Variants in SRPK1 observed in about 807,000 individuals in gnomAD.
SRPK1 encodes the protein SFRS protein kinase 1.
SRPK1 carries 52 observed loss-of-function variants against 89.5 expected under a neutral mutation model. The observed-to-expected ratio is 0.58, with a 90% CI of 0.46 to 0.73. The LOEUF (loss-of-function observed/expected upper bound fraction) is 0.73, where lower values mean the gene tolerates loss of function less well. Among genes scored for constraint, SRPK1 ranks in the 30% least tolerant of loss-of-function variants. SRPK1 has a pLI of 0.00. For synonymous variants in SRPK1, 255 were observed against 270.2 expected, an observed-to-expected ratio of 0.94 and a Z score of 0.55; for missense variants, 603 against 780.6, an observed-to-expected ratio of 0.77 and a Z score of 2.71.
chr6:35,913,471 G>A (rs1366434903), intron 2 of SRPK1, among the ~76,000 whole-genome samples: 5 of 151,996 alleles, frequency 3.3e-5, no homozygotes, highest in Non-Finnish European at 7.4e-5. Flanking sequence ...TCCCACCTGG[G>A]CAACAGAACA....
chr6:35,909,495 T>C (rs956677587), intron 2 of SRPK1, among the ~76,000 whole-genome samples: 2 of 152,200 alleles, frequency 1.3e-5, no homozygotes, highest in African/African-American at 4.8e-5. Flanking sequence ...CTTGGGACTC[T>C]TGAGTTAATA....
intron 13 of SRPK1, among the ~76,000 whole-genome samples, chr6:35,846,548 T>C (rs9470134): frequency 0.44 from 64,208 of 145,584 alleles, 15,453 homozygotes; most frequent in African/African-American, 0.63. Context: ...AGAGTGAGAC[T>C]GTGTCTCCAA....
At chr6:35,849,266 A>G (rs1769505390) in intron 13 of SRPK1, among the ~76,000 whole-genome samples, 1 of 152,230 alleles carries the variant, frequency 6.6e-6, no homozygotes, top group African/African-American at 2.4e-5. Flanking sequence ...CATTAGGGAA[A>G]TGCAAATTAA....
At chr6:35,864,191 T>C (rs1248374548) in intron 12 of SRPK1, among the ~76,000 whole-genome samples, 1 of 151,732 alleles carries the variant, frequency 6.6e-6, no homozygotes, top group Non-Finnish European at 1.5e-5. Flanking sequence ...AATGGACAAA[T>C]GGGATCACAT....
At chr6:35,867,409 A>G (rs1235019646) in intron 12 of SRPK1, among the ~76,000 whole-genome samples, 2 of 152,210 alleles carry the variant, frequency 1.3e-5, no homozygotes, top group Non-Finnish European at 2.9e-5. Flanking sequence ...TCAATATGGG[A>G]AGTAAGATCC....
chr6:35,864,282 C>T (rs1769847681), intron 12 of SRPK1, among the ~76,000 whole-genome samples: 1 of 151,302 alleles, frequency 6.6e-6, no homozygotes, highest in South Asian at 2.1e-4. Context: ...AAAATATTTG[C>T]AAATTACCCA....
At chr6:35,873,483 A>C (rs903922882) in intron 7 of SRPK1, among the ~76,000 whole-genome samples, 1 of 148,224 alleles carries the variant, frequency 6.7e-6, no homozygotes, top group Non-Finnish European at 1.5e-5. Flanking sequence ...ATTTAATTTT[A>C]GCAATTAACT....
At chr6:35,842,722 C>T (rs1769337538) in intron 13 of SRPK1, 118 bp from the exon 14 acceptor site, 1 of 376,114 alleles carries the variant, frequency 2.7e-6, no homozygotes, top group South Asian at 8.5e-5. Flanking sequence ...ACTTATAGAT[C>T]ATTTAAAAAA....
At chr6:35,873,758 G>A (rs1770094144) in intron 7 of SRPK1, among the ~76,000 whole-genome samples, 1 of 151,910 alleles carries the variant, frequency 6.6e-6, no homozygotes, top group African/African-American at 2.4e-5. Flanking sequence ...CCAAAGTGCT[G>A]GGATTACAGG....
intron 13 of SRPK1, among the ~76,000 whole-genome samples, chr6:35,846,317 G>A (rs1279161157): frequency 5.3e-5 from 8 of 151,412 alleles, no homozygotes; most frequent in Non-Finnish European, 8.8e-5. Flanking sequence ...TAGGCCAGGC[G>A]CAGTGGCTCA....
At chr6:35,851,598 G>A (rs1769556885) in intron 13 of SRPK1, among the ~76,000 whole-genome samples, 1 of 152,168 alleles carries the variant, frequency 6.6e-6, no homozygotes, top group African/African-American at 2.4e-5. Flanking sequence ...CTGAATGGCT[G>A]GGTGAACAGG....
At chr6:35,837,729 AT>A (rs1347712268) in intron 15 of SRPK1, among the ~76,000 whole-genome samples, 5 of 151,726 alleles carry the variant, frequency 3.3e-5, no homozygotes, top group East Asian at 3.9e-4. Context: ...TTAATTAAAA[AT>A]TTTTTTTTGT....
intron 13 of SRPK1, among the ~76,000 whole-genome samples, chr6:35,846,883 G>A (rs1005343045): frequency 1.3e-5 from 2 of 152,122 alleles, no homozygotes; most frequent in African/African-American, 4.8e-5. Context: ...CCCTGCTACT[G>A]CCAAAAAAAG....
chr6:35,885,294 CACACAGAG>C (rs1384482627), intron 6 of SRPK1, among the ~76,000 whole-genome samples: 42 of 131,184 alleles, frequency 3.2e-4, no homozygotes, highest in Middle Eastern at 3.8e-3. Context: ...CACACACACA[CACACAGAG>C]AGAGAGAGAG....
intron 14 of SRPK1, chr6:35,838,638 C>G: frequency 6.4e-7 from 1 of 1,553,938 alleles, no homozygotes; most frequent in Non-Finnish European, 8.7e-7. Context: ...TCAGTGATAA[C>G]TAAAAACAAT....
intron 13 of SRPK1, among the ~76,000 whole-genome samples, chr6:35,851,278 G>A (rs539913296): frequency 2.0e-5 from 3 of 151,740 alleles, no homozygotes; most frequent in East Asian, 3.9e-4. Context: ...GGGTTCTAGC[G>A]ATTCTCGTGC....
At chr6:35,844,666 T>C (rs911737793) in intron 13 of SRPK1, among the ~76,000 whole-genome samples, 2 of 152,144 alleles carry the variant, frequency 1.3e-5, no homozygotes, top group Admixed American at 6.6e-5. Context: ...ATTTCAGTTG[T>C]TTATTAAGAA....
chr6:35,865,731 G>A (rs1266067807), intron 12 of SRPK1, among the ~76,000 whole-genome samples: 2 of 152,098 alleles, frequency 1.3e-5, no homozygotes, highest in Non-Finnish European at 2.9e-5. Context: ...TAGGAAAACT[G>A]GACTGCCATA....
At chr6:35,886,126 C>T (rs1770404703) in intron 6 of SRPK1, among the ~76,000 whole-genome samples, 1 of 147,054 alleles carries the variant, frequency 6.8e-6, no homozygotes, top group African/African-American at 2.5e-5. Flanking sequence ...GTCCCCCACG[C>T]TGGAGTGCAG....
Sources: gnomAD v4.1 joint callset for allele counts (sites outside exome capture counted in the v4.1 genomes callset) on GRCh38, gnomAD v4.1.1 for gene constraint, MANE v1.5 for transcripts, NCBI Gene and HGNC (gene_info 2026-07-23, HGNC 2026-07-21) for gene names.